HTT: variants seen among roughly 807,000 people sequenced by gnomAD.
HTT encodes the protein huntington disease protein.
A neutral mutation model predicts 362.3 loss-of-function variants in HTT; 104 were observed. The observed-to-expected ratio is 0.29, with a 90% CI of 0.24 to 0.34. The LOEUF (loss-of-function observed/expected upper bound fraction) is 0.34. HTT is among the 10% of genes least tolerant of loss of function. The probability of loss-of-function intolerance (pLI) is 1.00; values close to 1 mark genes in which losing one functional copy is unlikely to be tolerated. For missense variants in HTT, 3,301 were observed against 3,928.6 expected, an observed-to-expected ratio of 0.84 and a Z score of 4.27; for synonymous variants, 1,577 against 1,548.7, an observed-to-expected ratio of 1.02 and a Z score of -0.43.
chr4:3,239,507 C>T (rs964748257), intron 66 of HTT, among the ~76,000 whole-genome samples: 7 of 152,252 alleles, frequency 4.6e-5, no homozygotes, highest in Non-Finnish European at 7.3e-5. Context: ...ACAGCCTTGC[C>T]CGGCGTGCCT....
At chr4:3,162,778 A>G (rs1717509632) in intron 29 of HTT, among the ~76,000 whole-genome samples, 1 of 152,214 alleles carries the variant, frequency 6.6e-6, no homozygotes. Context: ...TTGATTTTGT[A>G]TCCTGAGACT....
intron 45 of HTT, 32 bp from the exon 46 acceptor site, chr4:3,208,741 A>C (rs750356355): frequency 6.5e-7 from 1 of 1,529,632 alleles, no homozygotes; most frequent in Non-Finnish European, 8.8e-7. Flanking sequence ...AAAACAAATT[A>C]TACTGTAATT....
chr4:3,212,837 C>T, intron 49 of HTT, 128 bp downstream of exon 49: 1 of 969,844 alleles, frequency 1.0e-6, no homozygotes, highest in Non-Finnish European at 1.5e-6. Context: ...CCATCTCAGC[C>T]TGGCAGTAAG....
intron 1 of HTT, among the ~76,000 whole-genome samples, chr4:3,085,603 T>C (rs1238689571): frequency 1.3e-5 from 2 of 152,252 alleles, no homozygotes; most frequent in Middle Eastern, 3.2e-3. Context: ...GTTTGAGTTA[T>C]CAGTTCATCA....
intron 23 of HTT, among the ~76,000 whole-genome samples, chr4:3,143,435 T>TG (rs1353040281): frequency 1.7e-5 from 1 of 57,812 alleles, no homozygotes; most frequent in Non-Finnish European, 3.6e-5. Flanking sequence ...AGACTCTGTC[T>TG]CAAAAAAAAA....
chr4:3,180,740 A>G, intron 36 of HTT, 89 bp downstream of exon 36: 1 of 1,056,878 alleles, frequency 9.5e-7, no homozygotes, highest in South Asian at 2.5e-5. Flanking sequence ...CTCACTGTTA[A>G]CTGTGTTACT....
intron 51 of HTT, among the ~76,000 whole-genome samples, chr4:3,216,195 C>T (rs1480193868): frequency 6.6e-6 from 1 of 152,194 alleles, no homozygotes; most frequent in Non-Finnish European, 1.5e-5. Flanking sequence ...GTTCCCGGTT[C>T]AAGGTTTTGT....
chr4:3,215,787 A>G (rs1019943359), intron 51 of HTT, among the ~76,000 whole-genome samples: 2 of 152,022 alleles, frequency 1.3e-5, no homozygotes, highest in Non-Finnish European at 2.9e-5. Context: ...CTTTTCATGC[A>G]CTTTCCTCCC....
intron 22 of HTT, among the ~76,000 whole-genome samples, chr4:3,141,817 T>C (rs966197882): frequency 7.2e-5 from 11 of 152,120 alleles, no homozygotes; most frequent in African/African-American, 2.4e-4. Context: ...TTTGGCCACC[T>C]TAATATTTCC....
chr4:3,214,168 T>TCATA, intron 50 of HTT, 33 bp downstream of exon 50: 1 of 1,410,430 alleles, frequency 7.1e-7, no homozygotes, highest in South Asian at 1.6e-5. Flanking sequence ...TGGGTTCCTA[T>TCATA]CATAGTTCCT....
intron 23 of HTT, among the ~76,000 whole-genome samples, chr4:3,144,352 C>T (rs1411786625): frequency 6.6e-6 from 1 of 152,104 alleles, no homozygotes; most frequent in Admixed American, 6.5e-5. Context: ...GAATCTCACT[C>T]TGTTGCCCAG....
rs1469511562 is a variant in HTT, at chr4:3,140,441, A to C, written c.2799-69A>C. The stretch of plus-strand genomic sequence containing the variant: ...GGTGTTGGCTTAGCCATCTGCAGGG[A>C]GGAGGGTGGTCTATCACAGGTGAGT... On this transcript the variant is annotated intron_variant, in intron 21 of 66. Coordinates refer to ENST00000355072, the MANE Select transcript of HTT (RefSeq NM_001388492.1). 4 of 1,388,674 alleles carry C rather than the reference A, an allele frequency of 2.9e-6. No individual in the cohort carries two copies. The East Asian group carries it at 9.2e-5, about 32-fold the overall frequency. 86.0% of individuals were successfully genotyped at this position (1,388,674 alleles called of 1,614,324 possible).
chr4:3,094,353 C>A (rs961255618), intron 2 of HTT, among the ~76,000 whole-genome samples: 1 of 152,246 alleles, frequency 6.6e-6, no homozygotes, highest in Non-Finnish European at 1.5e-5. Flanking sequence ...ATCTCTCTTT[C>A]TTTTCCCACA....
At chr4:3,078,901 A>AT (rs978851630) in intron 1 of HTT, among the ~76,000 whole-genome samples, 10 of 151,954 alleles carry the variant, frequency 6.6e-5, no homozygotes, top group African/African-American at 2.2e-4. Flanking sequence ...CGTCCAGCTA[A>AT]TTTTTTTGTA....
At chr4:3,166,911 C>T (rs961365093) in intron 29 of HTT, among the ~76,000 whole-genome samples, 1 of 152,262 alleles carries the variant, frequency 6.6e-6, no homozygotes, top group African/African-American at 2.4e-5. Context: ...AGGCAACACC[C>T]CGCCCTGCTT....
At position 3,121,263 on chromosome 4, in the gene HTT, A is replaced by G. The variant is rs1715282548; in HGVS notation, c.1104A>G (p.Gln368=). The G allele has an allele frequency of 1.2e-6, 2 of 1,614,048 alleles. No individual in the cohort carries two copies. The highest frequency in any genetic ancestry group is 3.3e-5 in the Admixed American group (2 of 60,006). ...YELTLHHTQH[Q]DHNVVTGALE... ...TGACGTTACATCATACACAGCACCAAGACCACAATGTTGTGACCGGAGCCC... is the reference window on the plus strand; with the variant it reads ...TGACGTTACATCATACACAGCACCAGGACCACAATGTTGTGACCGGAGCCC... The change falls in exon 9 of 67, where the codon CAA becomes CAG. Residue 368 remains glutamine, a synonymous_variant. Coordinates refer to ENST00000355072, the MANE Select transcript of HTT (RefSeq NM_001388492.1).
In HTT at chr4:3,148,220, T is replaced by A; in HGVS notation, c.3498+13T>A. 1 of 1,544,314 alleles carries A rather than the reference T, an allele frequency of 6.5e-7. No homozygotes were observed. Among genetic ancestry groups the A allele is most frequent in the Non-Finnish European group, 8.8e-7 (1 of 1,140,882 alleles). ...ACCCGCAATAAAGGTAATGTCCCACTTGGGTGCTGGATTCATACAGCCTTA... is the reference window on the plus strand; with the variant it reads ...ACCCGCAATAAAGGTAATGTCCCACATGGGTGCTGGATTCATACAGCCTTA... On this transcript the variant is annotated intron_variant, in intron 26 of 66. Coordinates refer to ENST00000355072, the MANE Select transcript of HTT (RefSeq NM_001388492.1).
At chr4:3,233,126 T>C (rs1578614652) in intron 60 of HTT, 37 bp from the exon 61 acceptor site, 6 of 1,541,282 alleles carry the variant, frequency 3.9e-6, no homozygotes, top group Non-Finnish European at 5.3e-6. Flanking sequence ...ACGTGAGCTC[T>C]GGTGGCATGC....
chr4:3,196,618 C>T (rs1719268064), intron 40 of HTT, among the ~76,000 whole-genome samples: 1 of 151,926 alleles, frequency 6.6e-6, no homozygotes, highest in Non-Finnish European at 1.5e-5. Context: ...CACACCTATA[C>T]TCCCAGCTAC....
Sources: gnomAD v4.1 joint callset for allele counts (sites outside exome capture counted in the v4.1 genomes callset) on GRCh38, gnomAD v4.1.1 for gene constraint, MANE v1.5 for transcripts, NCBI Gene and HGNC (gene_info 2026-07-23, HGNC 2026-07-21) for gene names.